KREMEN1: variants seen among roughly 807,000 people sequenced by gnomAD.
KREMEN1 encodes the protein kringle containing transmembrane protein 1.
In KREMEN1, 30 loss-of-function variants were observed where a neutral mutation model predicts 46.5. The observed-to-expected ratio is 0.65, with a 90% CI of 0.48 to 0.88. The LOEUF (loss-of-function observed/expected upper bound fraction) is 0.88. Among genes scored for constraint, KREMEN1 ranks in the 40% least tolerant of loss-of-function variants. KREMEN1 has a pLI of 0.00. For missense variants in KREMEN1, 533 were observed against 596.9 expected (o/e 0.89, Z 1.11); for synonymous variants, 214 against 230.6 (o/e 0.93, Z 0.65).
rs1601829193 is a variant in KREMEN1, at chr22:29,167,020, T to C, written c.1417-24T>C. 3.3e-6 allele frequency: 5 copies of C among 1,538,442 alleles called. No homozygotes were observed. In the East Asian group the frequency reaches 1.2e-4, roughly 38 times the overall value. On this transcript the variant is annotated intron_variant, in intron 9 of 9. Transcript: ENST00000327813. Reference sequence around the variant, plus strand: ...CTAGGGCTGTACTTTCAGACACCACTCATTGTCCTTCCTACCTTCCCAGGC... The same window carrying C: ...CTAGGGCTGTACTTTCAGACACCACCCATTGTCCTTCCTACCTTCCCAGGC...
chr22:29,131,740 A>G lies in KREMEN1; in HGVS notation c.632-5602A>G, dbSNP rs200645767. ...TATGTATATATATGTATATATGTGT[A>G]TATATATGTATATATGTATATATAT... On this transcript the variant is annotated intron_variant, in intron 5 of 8. Coordinates refer to ENST00000400335, the MANE Select transcript of KREMEN1 (RefSeq NM_001039570.3). Among the ~76,000 whole-genome samples the G allele has an allele frequency of 3.1e-4, 42 of 137,208 alleles. 1 individual carries two copies. The Middle Eastern group carries it at 0.011, about 36-fold the overall frequency. The allele number at this position is 137,208 out of a possible 152,430, so 90.0% of individuals were successfully genotyped here.
chr22:29,099,892 A>G (rs2037948493), intron 3 of KREMEN1, among the ~76,000 whole-genome samples: 1 of 152,002 alleles, frequency 6.6e-6, no homozygotes, highest in East Asian at 1.9e-4. Context: ...AGACAATAGG[A>G]TACCCTGACC....
chr22:29,107,367 T>C (rs2038078394), intron 3 of KREMEN1, among the ~76,000 whole-genome samples: 1 of 151,694 alleles, frequency 6.6e-6, no homozygotes, highest in Non-Finnish European at 1.5e-5. Context: ...GGATTACAGG[T>C]GCCCACAACC....
chr22:29,108,037 A>T (rs567175748), intron 3 of KREMEN1, among the ~76,000 whole-genome samples: 1 of 152,184 alleles, frequency 6.6e-6, no homozygotes, highest in African/African-American at 2.4e-5. Flanking sequence ...TGTAATCCCA[A>T]CACTTTGGGA....
intron 1 of KREMEN1, among the ~76,000 whole-genome samples, chr22:29,087,974 C>T (rs1226597175): frequency 6.6e-6 from 1 of 152,174 alleles, no homozygotes; most frequent in Non-Finnish European, 1.5e-5. Flanking sequence ...ACTCTATTAA[C>T]TTGTGTTTTC....
Position 29,131,594 on chromosome 22 carries a change from G to GTA in KREMEN1, c.632-5744_632-5743dup, listed in dbSNP as rs1405063311. Among the ~76,000 whole-genome samples the GTA allele has an allele frequency of 2.3e-3, 281 of 121,896 alleles. 4 individuals are homozygous for GTA. The highest frequency in any genetic ancestry group is 0.011 in the African/African-American group (263 of 23,802). 80.0% of individuals were successfully genotyped at this position (121,896 alleles called of 152,430 possible). A position where few individuals can be genotyped will look rare whatever the true frequency, so the allele number is the denominator to read the frequency against. ...TGTGTGTGTGTGTGTGTGTGTGTGT[G>GTA]TATATGTATATATGTGTGTATATAT... On this transcript the variant is annotated intron_variant, in intron 5 of 8. Transcript: ENST00000400335.
intron 4 of KREMEN1, among the ~76,000 whole-genome samples, chr22:29,122,260 G>T (rs547567598): frequency 9.2e-5 from 14 of 152,286 alleles, no homozygotes; most frequent in African/African-American, 3.1e-4. Flanking sequence ...ACCACAATGA[G>T]ATACCACTGC....
chr22:29,114,146 GT>G (rs2038196207), intron 3 of KREMEN1, among the ~76,000 whole-genome samples: 1 of 152,046 alleles, frequency 6.6e-6, no homozygotes, highest in East Asian at 1.9e-4. Flanking sequence ...CTTAGATGAG[GT>G]CATGAGAGTG....
At chr22:29,097,912 TGGCTC>T (rs2037906704) in intron 2 of KREMEN1, among the ~76,000 whole-genome samples, 1 of 152,114 alleles carries the variant, frequency 6.6e-6, no homozygotes, top group South Asian at 2.1e-4. Flanking sequence ...CTGGGCACGG[TGGCTC>T]ACGCCTGTAG....
intron 4 of KREMEN1, among the ~76,000 whole-genome samples, chr22:29,124,652 C>A (rs375535029): frequency 1.3e-5 from 2 of 152,206 alleles, no homozygotes; most frequent in South Asian, 2.1e-4. Flanking sequence ...ACGACCACAC[C>A]TGGCTAATAT....
intron 1 of KREMEN1, among the ~76,000 whole-genome samples, chr22:29,093,430 C>T (rs1397170048): frequency 6.6e-6 from 1 of 152,176 alleles, no homozygotes; most frequent in Non-Finnish European, 1.5e-5. Flanking sequence ...TCATGAACCT[C>T]TTCGAGTTTA....
chr22:29,126,990 T>G (rs2038455248), intron 5 of KREMEN1, among the ~76,000 whole-genome samples: 1 of 152,268 alleles, frequency 6.6e-6, no homozygotes, highest in Non-Finnish European at 1.5e-5. Context: ...TTTAACCTTT[T>G]ATTCTAGAGT....
At chr22:29,085,920 A>G (rs942753892) in intron 1 of KREMEN1, among the ~76,000 whole-genome samples, 1 of 151,520 alleles carries the variant, frequency 6.6e-6, no homozygotes, top group Non-Finnish European at 1.5e-5. Flanking sequence ...GCAGTGAGCC[A>G]TGATTGCTCC....
At chr22:29,120,349 A>G (rs2038322572) in intron 3 of KREMEN1, among the ~76,000 whole-genome samples, 1 of 149,944 alleles carries the variant, frequency 6.7e-6, no homozygotes, top group Non-Finnish European at 1.5e-5. Context: ...GAGGAGGGAG[A>G]GGTGATGAAG....
At chr22:29,080,676 T>G (rs529683823) in intron 1 of KREMEN1, among the ~76,000 whole-genome samples, 1 of 152,328 alleles carries the variant, frequency 6.6e-6, no homozygotes, top group Non-Finnish European at 1.5e-5. Context: ...TGTGACACTT[T>G]CTGTTTATTT....
chr22:29,167,029 T>A, intron 9 of KREMEN1: 1 of 1,549,648 alleles, frequency 6.5e-7, no homozygotes, highest in Middle Eastern at 1.7e-4. Flanking sequence ...CTCATTGTCC[T>A]TCCTACCTTC....
intron 1 of KREMEN1, among the ~76,000 whole-genome samples, chr22:29,083,719 C>G (rs2037690897): frequency 6.6e-6 from 1 of 152,098 alleles, no homozygotes; most frequent in South Asian, 2.1e-4. Flanking sequence ...GTAATCCCAG[C>G]TACTAGGGAG....
At chr22:29,108,219 G>A (rs1308932239) in intron 3 of KREMEN1, among the ~76,000 whole-genome samples, 3 of 152,238 alleles carry the variant, frequency 2.0e-5, no homozygotes, top group Non-Finnish European at 4.4e-5. Context: ...CCCAGGAGGC[G>A]GAGGTTGCGG....
intron 1 of KREMEN1, among the ~76,000 whole-genome samples, chr22:29,085,620 C>A (rs1006981988): frequency 7.2e-5 from 11 of 152,016 alleles, no homozygotes; most frequent in African/African-American, 2.4e-4. Context: ...CCTTAGATTT[C>A]CCCTTTTTTT....
Sources: gnomAD v4.1 joint callset for allele counts (sites outside exome capture counted in the v4.1 genomes callset) on GRCh38, gnomAD v4.1.1 for gene constraint, MANE v1.5 for transcripts, NCBI Gene and HGNC (gene_info 2026-07-23, HGNC 2026-07-21) for gene names.